The following B3GALNT2 variants were observed in gnomAD, a reference collection of about 807,000 sequenced individuals.
The protein encoded by B3GALNT2 is UDP-GalNAc:beta-1,3-N-acetylgalactosaminyltransferase 2.
B3GALNT2 carries 53 observed loss-of-function variants against 61.1 expected under a neutral mutation model. That is an observed-to-expected ratio of 0.87 (90% confidence interval 0.70 to 1.09). The LOEUF is 1.09. Among genes scored for constraint, B3GALNT2 ranks in the 50% least tolerant of loss-of-function variants. The probability of loss-of-function intolerance (pLI) is 0.00; values close to 1 mark genes in which losing one functional copy is unlikely to be tolerated. For synonymous variants in B3GALNT2, 223 were observed against 237.4 expected (o/e 0.94, Z 0.56); for missense variants, 544 against 623.0 (o/e 0.87, Z 1.35).
chr1:235,503,972 T>G (rs1014672287), intron 1 of B3GALNT2, among the ~76,000 whole-genome samples, 169 bp downstream of exon 1: 1 of 152,176 alleles, frequency 6.6e-6, no homozygotes, highest in African/African-American at 2.4e-5. Flanking sequence ...TCCCTCAAGT[T>G]TGCCCGATGT....
intron 1 of B3GALNT2, among the ~76,000 whole-genome samples, chr1:235,497,775 C>T (rs1012888994): frequency 2.0e-5 from 3 of 152,144 alleles, no homozygotes; most frequent in Non-Finnish European, 2.9e-5. Flanking sequence ...ACGAGGGCAT[C>T]CTAACTGGTT....
intron 1 of B3GALNT2, among the ~76,000 whole-genome samples, chr1:235,497,580 A>G (rs1685385813): frequency 6.6e-6 from 1 of 152,226 alleles, no homozygotes; most frequent in Non-Finnish European, 1.5e-5. Flanking sequence ...TTTTAATTCC[A>G]ATAATTTACT....
rs770930732 is a variant in B3GALNT2, at chr1:235,494,692, T to A, written c.249A>T (p.Thr83=). 4 of 1,612,146 alleles carry A rather than the reference T, an allele frequency of 2.5e-6. No individual in the cohort carries two copies. In the African/African-American group the frequency reaches 5.3e-5, roughly 22 times the overall value. ...TWMRHLLQHP[T]LSQRVLVKFI... ...CTCAGAAAACCTACCGTTGACTTAA[T>A]GTGGGATGCTGTAGCAAATGTCTCA... Residue 83 remains threonine (T), a synonymous_variant, in exon 2 of 12, where the codon ACA becomes ACT. Transcript: ENST00000366600.
intron 4 of B3GALNT2, among the ~76,000 whole-genome samples, chr1:235,480,948 G>A (rs558856986): frequency 2.4e-4 from 28 of 118,866 alleles, no homozygotes; most frequent in African/African-American, 6.5e-4. Context: ...AAAAAAAACC[G>A]GACTGATTTT....
rs1329189148 is a variant in B3GALNT2, at chr1:235,458,700, G to A, written c.928C>T (p.Leu310=). Residue 310 remains leucine, a synonymous_variant, in exon 8 of 12, where the codon CTG becomes TTG. Transcript: ENST00000366600. ...TCATAGATGCTGCTTTCCTCCTTCAGTAAGGCATCTTCCTCATGGAGATTC... is the reference window on the plus strand; with the variant it reads ...TCATAGATGCTGCTTTCCTCCTTCAATAAGGCATCTTCCTCATGGAGATTC... ...IRNLHEEDAL[L]KEESSIYDDI... is the part of the protein sequence containing the mutation. 3 of 1,613,516 alleles carry A rather than the reference G, an allele frequency of 1.9e-6. No individual in the cohort carries two copies. In the South Asian group the frequency reaches 3.3e-5, roughly 18 times the overall value.
chr1:235,450,485 G>A (rs1409849713), intron 11 of B3GALNT2, 145 bp from the exon 12 acceptor site: 1 of 1,011,546 alleles, frequency 9.9e-7, no homozygotes, highest in Non-Finnish European at 1.4e-6. Flanking sequence ...AACTGGTGAG[G>A]TTTGGGGGTG....
At chr1:235,455,962 T>C (rs1171647067) in intron 8 of B3GALNT2, among the ~76,000 whole-genome samples, 2 of 152,214 alleles carry the variant, frequency 1.3e-5, no homozygotes, top group Non-Finnish European at 2.9e-5. Context: ...AAATGGAACA[T>C]ATGTTCAAAC....
At chr1:235,491,812 C>T (rs1685085616) in intron 2 of B3GALNT2, among the ~76,000 whole-genome samples, 1 of 151,970 alleles carries the variant, frequency 6.6e-6, no homozygotes, top group Admixed American at 6.6e-5. Context: ...TCATATGCTT[C>T]CCCCCTCTTT....
At chr1:235,502,213 A>G (rs759993909) in intron 1 of B3GALNT2, among the ~76,000 whole-genome samples, 1 of 152,172 alleles carries the variant, frequency 6.6e-6, no homozygotes, top group Non-Finnish European at 1.5e-5. Context: ...GGGTTTCGCC[A>G]TGTTGGCCAG....
intron 1 of B3GALNT2, among the ~76,000 whole-genome samples, chr1:235,496,470 G>T (rs1685327844): frequency 6.6e-6 from 1 of 151,418 alleles, no homozygotes; most frequent in Non-Finnish European, 1.5e-5. Context: ...CATATTTATT[G>T]AACAGTTAAT....
chr1:235,463,503 G>A (rs1403178297), intron 7 of B3GALNT2: 1 of 147,072 alleles, frequency 6.8e-6, no homozygotes, highest in Non-Finnish European at 1.5e-5. Flanking sequence ...AAGTGCAAGA[G>A]ACCCAGAATA....
intron 5 of B3GALNT2, among the ~76,000 whole-genome samples, chr1:235,474,107 A>G (rs704716): frequency 0.45 from 68,893 of 151,992 alleles, 16,246 homozygotes; most frequent in Non-Finnish European, 0.5. Flanking sequence ...TCTTCCACCT[A>G]TCTCCTAAAC....
chr1:235,504,350 C>G lies in B3GALNT2; in HGVS notation c.-98G>C. The G allele has an allele frequency of 7.6e-7, 1 of 1,319,980 alleles. No homozygotes were observed. Among genetic ancestry groups the G allele is most frequent in the Non-Finnish European group, 1.0e-6 (1 of 1,001,594 alleles). 81.8% of individuals were successfully genotyped at this position (1,319,980 alleles called of 1,614,324 possible). On this transcript the variant is annotated 5_prime_UTR_variant, in exon 1 of 12. Coordinates refer to ENST00000366600, the MANE Select transcript of B3GALNT2 (RefSeq NM_152490.5). ...TGAGGGGCGGCGGCTGACGAGCGAC[C>G]ACTCCGAGCACGCCCGCCCTCGCGC...
intron 7 of B3GALNT2, among the ~76,000 whole-genome samples, chr1:235,460,712 TC>T (rs1260566953): frequency 1.3e-5 from 2 of 151,794 alleles, no homozygotes; most frequent in African/African-American, 4.8e-5. Context: ...TAGCTGGTAC[TC>T]CCGGCACCTG....
At chr1:235,487,562 A>G (rs2102850276) in intron 3 of B3GALNT2, among the ~76,000 whole-genome samples, 1 of 152,288 alleles carries the variant, frequency 6.6e-6, no homozygotes, top group South Asian at 2.1e-4. Flanking sequence ...AGCCATGGAG[A>G]CTGCTTATAA....
the B3GALNT2 span, among the ~76,000 whole-genome samples, chr1:235,442,043 T>A: frequency 4.0e-5 from 6 of 151,682 alleles, no homozygotes; most frequent in Non-Finnish European, 8.8e-5. Flanking sequence ...AGTCTCCCTC[T>A]GTCTCCCAGG....
intron 1 of B3GALNT2, among the ~76,000 whole-genome samples, chr1:235,502,169 T>C (rs1685610627): frequency 6.6e-6 from 1 of 152,160 alleles, no homozygotes; most frequent in African/African-American, 2.4e-5. Flanking sequence ...TGCACCACTA[T>C]GCCCGGCTAA....
chr1:235,496,945 A>G (rs1685356996), intron 1 of B3GALNT2, among the ~76,000 whole-genome samples: 1 of 152,174 alleles, frequency 6.6e-6, no homozygotes, highest in Non-Finnish European at 1.5e-5. Context: ...ATCTAACACC[A>G]TTCTTTATCA....
At chr1:235,466,528 A>C (rs1324070789) in intron 6 of B3GALNT2, among the ~76,000 whole-genome samples, 1 of 151,486 alleles carries the variant, frequency 6.6e-6, no homozygotes, top group Non-Finnish European at 1.5e-5. Flanking sequence ...AATATTTATA[A>C]ATTTTTTGTA....
Sources: allele counts gnomAD v4.1 joint callset (sites outside exome capture counted in the v4.1 genomes callset), GRCh38; gene constraint gnomAD v4.1.1; transcripts MANE v1.5; gene names NCBI Gene and HGNC (gene_info 2026-07-23, HGNC 2026-07-21).